The following PCDH9 variants were observed in gnomAD, a reference collection of about 807,000 sequenced individuals.
PCDH9 encodes protocadherin-9.
PCDH9 carries 24 observed loss-of-function variants against 70.6 expected under a neutral mutation model. The observed-to-expected ratio is 0.34, with a 90% CI of 0.25 to 0.48. The LOEUF (loss-of-function observed/expected upper bound fraction) is 0.48. Ranked by LOEUF, PCDH9 falls within the 20% of genes least tolerant of loss-of-function variation. PCDH9 has a pLI of 0.99. For missense variants in PCDH9, 1,281 were observed against 1,503.6 expected, an observed-to-expected ratio of 0.85 and a Z score of 2.45; for synonymous variants, 562 against 558.5, an observed-to-expected ratio of 1.01 and a Z score of -0.09.
chr13:66,627,176 C>A (rs111326048), intron 4 of PCDH9, among the ~76,000 whole-genome samples: 2 of 151,950 alleles, frequency 1.3e-5, no homozygotes, highest in African/African-American at 2.4e-5. Context: ...TAAGTACAAT[C>A]GAAATTACTT....
chr13:66,459,897 C>T (rs374225214), intron 4 of PCDH9, among the ~76,000 whole-genome samples: 8 of 151,852 alleles, frequency 5.3e-5, no homozygotes, highest in African/African-American at 1.7e-4. Context: ...AGGAGATGTG[C>T]GACTGTATTT....
In PCDH9 at chr13:66,943,504, A is replaced by C. The variant is rs149778795; in HGVS notation, c.3037-39899T>G. 6.9e-3 allele frequency among the ~76,000 whole-genome samples: 1,054 copies of C among 152,190 alleles called. 6 individuals are homozygous for C. The highest frequency in any genetic ancestry group is 9.6e-3 in the Admixed American group (146 of 15,262). On this transcript the variant is annotated intron_variant, in intron 2 of 4. Transcript: ENST00000377865. ...TAGTGGTAATTCTAGTTCCTCAAAA[A>C]TTTTGGTTTACTGAACTTAGAAAAT...
At chr13:66,846,476 C>T (rs944377921) in intron 3 of PCDH9, among the ~76,000 whole-genome samples, 2 of 152,014 alleles carry the variant, frequency 1.3e-5, no homozygotes, top group African/African-American at 2.4e-5. Context: ...ACAATTAAAT[C>T]ACCTAAAATA....
At chr13:66,548,031 A>T (rs80225048) in intron 4 of PCDH9, among the ~76,000 whole-genome samples, 38 of 150,772 alleles carry the variant, frequency 2.5e-4, no homozygotes, top group African/African-American at 9.0e-4. Context: ...GTATGTATGT[A>T]TGTTTGTGTT....
At chr13:67,215,016 A>C (rs1387554203) in intron 2 of PCDH9, 2 of 139,488 alleles carry the variant, frequency 1.4e-5, no homozygotes, top group African/African-American at 5.3e-5. Context: ...TGGCATGATT[A>C]CACCCATTTT....
At position 66,436,407 on chromosome 13, in the gene PCDH9, A is replaced by T. The variant is rs372018809; in HGVS notation, c.3341-131379T>A. Reference sequence around the variant, plus strand: ...ACTGTGAGAAAATGAATTTCTATTCATTATAAATTACCCAGTCTCAGGTAT... The same window carrying T: ...ACTGTGAGAAAATGAATTTCTATTCTTTATAAATTACCCAGTCTCAGGTAT... On this transcript the variant is annotated intron_variant, in intron 4 of 4. Transcript: ENST00000377865. Among the ~76,000 whole-genome samples, 6 of 152,296 alleles carry T rather than the reference A, an allele frequency of 3.9e-5. No individual in the cohort carries two copies. In the East Asian group the frequency reaches 1.2e-3, roughly 29 times the overall value.
chr13:66,525,870 C>G (rs757793229), intron 4 of PCDH9, among the ~76,000 whole-genome samples: 4 of 152,160 alleles, frequency 2.6e-5, no homozygotes, highest in Non-Finnish European at 4.4e-5. Flanking sequence ...ACGTTCTTCA[C>G]TTTATTCTCT....
intron 4 of PCDH9, among the ~76,000 whole-genome samples, chr13:66,420,089 C>T (rs1015412565): frequency 1.3e-5 from 2 of 152,090 alleles, no homozygotes. Context: ...CACCACGGTG[C>T]CACAAAGCCA....
intron 2 of PCDH9, among the ~76,000 whole-genome samples, chr13:67,117,617 G>A (rs2086802991): frequency 6.6e-6 from 1 of 152,098 alleles, no homozygotes; most frequent in East Asian, 1.9e-4. Flanking sequence ...TATTTATAAT[G>A]TTGTCTATGT....
chr13:67,046,845 G>T (rs1027890035), intron 2 of PCDH9, among the ~76,000 whole-genome samples: 1 of 151,940 alleles, frequency 6.6e-6, no homozygotes, highest in Admixed American at 6.6e-5. Flanking sequence ...CAACTGAGAA[G>T]GGTACAGAAG....
At chr13:66,836,605 TA>T (rs1282932326) in intron 3 of PCDH9, among the ~76,000 whole-genome samples, 1 of 152,164 alleles carries the variant, frequency 6.6e-6, no homozygotes, top group Non-Finnish European at 1.5e-5. Context: ...TTTTTACTTT[TA>T]ATCTGTGTTA....
At position 66,521,423 on chromosome 13, in the gene PCDH9, C is replaced by A. The variant is rs576195554; in HGVS notation, c.3340+109787G>T. On this transcript the variant is annotated intron_variant, in intron 4 of 4. Coordinates refer to ENST00000377865, the MANE Select transcript of PCDH9 (RefSeq NM_203487.3). ...CTGTCAGTCACTCAAAAAACAGTCA[C>A]CACTTTGAAGATGGAATAAGAAAAC... Among the ~76,000 whole-genome samples the A allele has an allele frequency of 3.3e-5, 5 of 152,176 alleles. No individual in the cohort carries two copies. The East Asian group carries it at 9.7e-4, about 29-fold the overall frequency.
intron 2 of PCDH9, among the ~76,000 whole-genome samples, chr13:67,182,244 G>GC (rs2088636358): frequency 6.6e-6 from 1 of 152,068 alleles, no homozygotes; most frequent in East Asian, 1.9e-4. Context: ...AGGACTCTCA[G>GC]TTTTTCACCT....
At chr13:66,661,607 G>A (rs1288649358) in intron 3 of PCDH9, among the ~76,000 whole-genome samples, 1 of 152,112 alleles carries the variant, frequency 6.6e-6, no homozygotes, top group Non-Finnish European at 1.5e-5. Context: ...TAATCCAAAT[G>A]AAAAGTTGGA....
At position 66,926,525 on chromosome 13, in the gene PCDH9, C is replaced by G. The variant is rs181032479; in HGVS notation, c.3037-22920G>C. On this transcript the variant is annotated intron_variant, in intron 2 of 4. Transcript: ENST00000377865. The stretch of plus-strand genomic sequence containing the variant: ...TTAATTAGCTCTTACGTACCAAGGA[C>G]GATCTCTACAACCAAGAACCAAAAT... Among the ~76,000 whole-genome samples the G allele has an allele frequency of 5.3e-5, 8 of 152,134 alleles. 1 individual carries two copies. In the South Asian group the frequency reaches 1.4e-3, roughly 28 times the overall value.
chr13:66,990,707 A>G (rs1279254192), intron 2 of PCDH9, among the ~76,000 whole-genome samples: 2 of 151,386 alleles, frequency 1.3e-5, no homozygotes, highest in Non-Finnish European at 3.0e-5. Context: ...TCAAAAATTC[A>G]CATCTCTGAA....
intron 4 of PCDH9, among the ~76,000 whole-genome samples, chr13:66,366,446 T>A (rs556508169): frequency 9.2e-5 from 14 of 152,186 alleles, no homozygotes; most frequent in African/African-American, 3.1e-4. Context: ...TCACCCTAAA[T>A]CAGACTCCAT....
chr13:66,650,258 C>A (rs2077831945), intron 3 of PCDH9, among the ~76,000 whole-genome samples: 1 of 151,796 alleles, frequency 6.6e-6, no homozygotes, highest in South Asian at 2.1e-4. Flanking sequence ...TATAAAGACA[C>A]ACCTAGACTG....
intron 2 of PCDH9, among the ~76,000 whole-genome samples, chr13:67,023,317 C>T (rs1332016766): frequency 6.6e-6 from 1 of 152,140 alleles, no homozygotes; most frequent in Non-Finnish European, 1.5e-5. Flanking sequence ...CATTTGCCTT[C>T]CTTTACCCAT....
Sources: allele counts gnomAD v4.1 joint callset (sites outside exome capture counted in the v4.1 genomes callset), GRCh38; gene constraint gnomAD v4.1.1; transcripts MANE v1.5; gene names NCBI Gene and HGNC (gene_info 2026-07-23, HGNC 2026-07-21).